ARAP1: variants seen among roughly 807,000 people sequenced by gnomAD.
ARAP1 encodes the protein arf-GAP with Rho-GAP domain, ANK repeat and PH domain-containing protein 1.
ARAP1 carries 76 observed loss-of-function variants against 172.2 expected under a neutral mutation model. That is an observed-to-expected ratio of 0.44 (90% CI 0.37 to 0.53). The LOEUF is 0.53. Among genes scored for constraint, ARAP1 ranks in the 20% least tolerant of loss-of-function variants. The pLI is 0.00. For synonymous variants in ARAP1, 804 were observed against 803.3 expected (o/e 1.00, Z -0.01); for missense variants, 1,686 against 1,977.5 (o/e 0.85, Z 2.80).
chr11:72,711,067 T>C lies in ARAP1; in HGVS notation c.1167A>G (p.Glu389=). The C allele has an allele frequency of 6.2e-7, 1 of 1,614,206 alleles. No individual in the cohort carries two copies. Among genetic ancestry groups the C allele is most frequent in the Non-Finnish European group, 8.5e-7 (1 of 1,180,044 alleles). The change falls in exon 9 of 35, where the codon GAA becomes GAG. Residue 389 remains glutamate (E), a synonymous_variant. Transcript: ENST00000393609. ...CAAAGGTTCGGTTGTTTGTGATCAC[T>C]TCAAACTTCTGGTCCCCGATGGCAG... ...HVAAIGDQKF[E]VITNNRTFAF...
chr11:72,719,137 G>A (rs184051792), intron 3 of ARAP1, among the ~76,000 whole-genome samples: 3 of 152,286 alleles, frequency 2.0e-5, no homozygotes, highest in East Asian at 3.9e-4. Context: ...CCACAGCCGA[G>A]CAAACAAGGC....
At position 72,686,185 on chromosome 11, in the gene ARAP1, C is replaced by A. The variant is rs760314680; in HGVS notation, c.4192G>T (p.Gly1398Cys). The change falls in exon 34 of 35, where the codon GGC becomes TGC. Residue 1398 changes from glycine (G) to cysteine (C), a missense_variant. This residue lies in a region of ARAP1 where 379 missense variants were observed against 500.1 expected (regional missense o/e 0.76). Transcript: ENST00000393609. ...FATFLFVQHD[G>C]LVWPSEPSRV... ...GAGGGCTCTGAGGGCCACACCAGGC[C>A]GTCATGCTGGGGAGCAGAGAGGAAG... 1.2e-6 allele frequency: 2 copies of A among 1,611,898 alleles called. No homozygotes were observed. The highest frequency in any genetic ancestry group is 1.3e-5 in the African/African-American group (1 of 75,018).
chr11:72,692,278 C>T (rs1855969443), intron 30 of ARAP1, among the ~76,000 whole-genome samples: 1 of 152,134 alleles, frequency 6.6e-6, no homozygotes, highest in Non-Finnish European at 1.5e-5. Flanking sequence ...AATAGCCAGC[C>T]AGGAAGCCTC....
intron 22 of ARAP1, 96 bp from the exon 23 acceptor site, chr11:72,696,750 G>T: frequency 9.2e-7 from 1 of 1,089,188 alleles, no homozygotes; most frequent in Non-Finnish European, 1.3e-6. Flanking sequence ...GGTGACAGCA[G>T]TCCCTGTGCC....
rs1856135901 is a variant in ARAP1, at chr11:72,695,320, C to A, written c.3576+67G>T. 14 of 1,599,180 alleles carry A rather than the reference C, an allele frequency of 8.8e-6. No individual in the cohort carries two copies. The highest frequency in any genetic ancestry group is 1.2e-5 in the Non-Finnish European group (14 of 1,167,794). ...CGGGGTAGAAGCACTGCTCCCCTGG[C>A]CATCTGAGCCTGTACCTGGCCCAGC... On this transcript the variant is annotated intron_variant, in intron 26 of 34. Transcript: ENST00000393609. The surrounding 1 kb of genome is among the most constrained non-coding windows in gnomAD (Gnocchi z 4.4).
At chr11:72,707,072 G>C in intron 12 of ARAP1, 103 bp downstream of exon 12, 1 of 1,228,532 alleles carries the variant, frequency 8.1e-7, no homozygotes, top group Non-Finnish European at 1.1e-6. Context: ...AGCTCTCTGA[G>C]TGCTGTCTCC....
chr11:72,740,196 G>A (rs1858157060), intron 1 of ARAP1, among the ~76,000 whole-genome samples: 2 of 152,196 alleles, frequency 1.3e-5, no homozygotes, highest in East Asian at 1.9e-4. Context: ...TTTGAGCAGT[G>A]CACAACACGC....
At chr11:72,697,676 C>T (rs200275307) in intron 19 of ARAP1, 27 bp from the exon 20 acceptor site, 99 of 1,613,078 alleles carry the variant, frequency 6.1e-5, no homozygotes, top group Non-Finnish European at 7.8e-5. Context: ...CAAGGTGAGG[C>T]CCAGGTCTTG....
In ARAP1 at chr11:72,696,653, C is replaced by A; in HGVS notation, c.3168G>T (p.Glu1056Asp). ...AQRLTWLEAS[E>D]IEDEEEKVSR... ...AGACCTTCTCCTCCTCGTCCTCAATCTCTGGGTGGGAAAGATAAATCAAGT... is the reference window on the plus strand; with the variant it reads ...AGACCTTCTCCTCCTCGTCCTCAATATCTGGGTGGGAAAGATAAATCAAGT... The change falls in exon 23 of 35, where the codon GAG becomes GAT. Residue 1056 changes from glutamate to aspartate, a missense_variant and splice_region_variant. Physicochemically the swap from Glu to Asp is conservative, Grantham distance 45. Transcript: ENST00000393609. The A allele has an allele frequency of 6.3e-7, 1 of 1,587,978 alleles. No homozygotes were observed. The highest frequency in any genetic ancestry group is 8.6e-7 in the Non-Finnish European group (1 of 1,165,238).
Position 72,711,033 on chromosome 11 carries a change from C to G in ARAP1, c.1201G>C (p.Ala401Pro). Residue 401 changes from alanine to proline, a missense_variant, in exon 9 of 35, where the codon GCA becomes CCA. By Grantham distance (27) the Ala-to-Pro change is conservative (BLOSUM62 -1). Around this residue, in one of 5 missense-constraint regions of ARAP1, gnomAD observed 688 missense variants for 856.9 expected, o/e 0.80. Transcript: ENST00000393609. ...CCACACTCCCCACCATCACTCTCTG[C>G]CCGGAAGGCAAAGGTTCGGTTGTTT... ...ITNNRTFAFR[A>P]ESDVERKEWM... is the part of the protein sequence containing the mutation. 1 of 1,614,240 alleles carries G rather than the reference C, an allele frequency of 6.2e-7. No homozygotes were observed. Among genetic ancestry groups the G allele is most frequent in the Non-Finnish European group, 8.5e-7 (1 of 1,180,046 alleles).
chr11:72,695,219 G>A lies in ARAP1; in HGVS notation c.3577-122C>T. On this transcript the variant is annotated intron_variant, in intron 26 of 34. Transcript: ENST00000393609. The surrounding 1 kb of genome is among the most constrained non-coding windows in gnomAD (Gnocchi z 4.4). ...GGCCCTTCTGGAGTCCTGGGATAGA[G>A]AGGGGTATTTCTGAGTGGTCCTTAG... 1.1e-5 allele frequency: 15 copies of A among 1,336,798 alleles called. No individual in the cohort carries two copies. Among genetic ancestry groups the A allele is most frequent in the Non-Finnish European group, 1.5e-5 (14 of 949,408 alleles). 82.8% of individuals were successfully genotyped at this position (1,336,798 alleles called of 1,614,324 possible). A position where few individuals can be genotyped will look rare whatever the true frequency, so the allele number is the denominator to read the frequency against.
Position 72,726,493 on chromosome 11 carries a change from G to T in ARAP1, c.509+127C>A. On this transcript the variant is annotated intron_variant, in intron 3 of 34. Coordinates refer to ENST00000393609, the MANE Select transcript of ARAP1 (RefSeq NM_001040118.3). The surrounding 1 kb of genome is among the most constrained non-coding windows in gnomAD (Gnocchi z 6.5). ...ACAGCAATCCTGTCCTCCGAGCTTT[G>T]CACACGCTGTTCCCCCTGCACTTCC... 1.6e-6 allele frequency: 2 copies of T among 1,260,682 alleles called. No homozygotes were observed. Among genetic ancestry groups the T allele is most frequent in the African/African-American group, 1.5e-5 (1 of 66,220 alleles). 78.1% of individuals were successfully genotyped at this position (1,260,682 alleles called of 1,614,324 possible).
At chr11:72,698,973 C>T in intron 18 of ARAP1, 32 bp downstream of exon 18, 2 of 1,610,338 alleles carry the variant, frequency 1.2e-6, no homozygotes, top group Admixed American at 1.7e-5. Flanking sequence ...CAGTCAGACA[C>T]CCTTACACCC....
At chr11:72,749,933 G>C (rs1356666462) in intron 1 of ARAP1, among the ~76,000 whole-genome samples, 1 of 151,750 alleles carries the variant, frequency 6.6e-6, no homozygotes, top group Non-Finnish European at 1.5e-5. Flanking sequence ...CAGACTAGGA[G>C]ACAGAACCTG....
chr11:72,710,272 TG>T lies in ARAP1; in HGVS notation c.1416+112del. The T allele has an allele frequency of 7.5e-7, 1 of 1,327,188 alleles. No homozygotes were observed. The highest frequency in any genetic ancestry group is 1.1e-6 in the Non-Finnish European group (1 of 939,582). 82.2% of individuals were successfully genotyped at this position (1,327,188 alleles called of 1,614,324 possible). ...GCGAGGACATATCCAGGCAAAGGGC[TG>T]GGCCCAGTGCAGGAAAAGAGGGAAC... On this transcript the variant is annotated intron_variant, in intron 10 of 34. Transcript: ENST00000393609. This position sits in a 1 kb window ranked among gnomAD's most constrained non-coding sequence, Gnocchi z 4.3.
rs1591161415 is a variant in ARAP1 at position 72,685,584 on chromosome 11, T to A, written c.*80A>T. 2 of 1,592,912 alleles carry A rather than the reference T, an allele frequency of 1.3e-6. No individual in the cohort carries two copies. The highest frequency in any genetic ancestry group is 1.7e-6 in the Non-Finnish European group (2 of 1,161,034). On this transcript the variant is annotated 3_prime_UTR_variant, in exon 35 of 35. Coordinates refer to ENST00000393609, the MANE Select transcript of ARAP1 (RefSeq NM_001040118.3). The stretch of plus-strand genomic sequence containing the variant: ...CCCATGCACCCCCCGCTGGCTCACA[T>A]CAGGCCTTGGAGCATAAGGGGTGTC...
chr11:72,736,756 C>T (rs888465067), intron 1 of ARAP1, among the ~76,000 whole-genome samples: 1 of 152,166 alleles, frequency 6.6e-6, no homozygotes, highest in Non-Finnish European at 1.5e-5. Flanking sequence ...TTCCATGGTT[C>T]CCAGTGCCTT....
intron 1 of ARAP1, among the ~76,000 whole-genome samples, chr11:72,739,757 G>A (rs1347301811): frequency 6.6e-6 from 1 of 152,144 alleles, no homozygotes; most frequent in African/African-American, 2.4e-5. Context: ...CCTGTCCCTA[G>A]CCCTAAGGTC....
At chr11:72,700,777 G>GCAGATCACCGACC (rs1856447254) in intron 16 of ARAP1, among the ~76,000 whole-genome samples, 1 of 152,272 alleles carries the variant, frequency 6.6e-6, no homozygotes. Flanking sequence ...GCCAAGGCGG[G>GCAGATCACCGACC]CAGATCACCT....
Sources: gnomAD v4.1 joint callset for allele counts (sites outside exome capture counted in the v4.1 genomes callset) on GRCh38, gnomAD v4.1.1 for gene constraint, gnomAD v4.1.1 regional missense constraint, Gnocchi (gnomAD v3.1) non-coding constraint, MANE v1.5 for transcripts, NCBI Gene and HGNC (gene_info 2026-07-23, HGNC 2026-07-21) for gene names.